Variants in BCAR3 observed in about 807,000 individuals in gnomAD.
BCAR3 encodes breast cancer anti-estrogen resistance protein 3.
Under a neutral mutation model 80.1 loss-of-function variants are expected in BCAR3, and 37 were observed. The ratio of observed to expected loss-of-function variants is 0.46; its 90% confidence interval spans 0.36 to 0.61. The LOEUF is 0.61. Ranked by LOEUF, BCAR3 falls within the 20% of genes least tolerant of loss-of-function variation. The pLI, the probability that BCAR3 is intolerant of heterozygous loss-of-function variation, is 0.00. For synonymous variants in BCAR3, 389 were observed against 418.9 expected (o/e 0.93, Z 0.87); for missense variants, 978 against 1,068.2 (o/e 0.92, Z 1.18).
chr1:93,810,410 G>T (rs569604150), intron 2 of BCAR3, among the ~76,000 whole-genome samples: 2 of 152,076 alleles, frequency 1.3e-5, no homozygotes, highest in African/African-American at 4.8e-5. Context: ...AATACTAAAC[G>T]TGGTTATGAC....
chr1:93,847,029 C>CG, intron 1 of BCAR3: 1 of 69,570 alleles, frequency 1.4e-5, no homozygotes, highest in Non-Finnish European at 2.8e-5. Context: ...GGCGGCCGGG[C>CG]GCGAGGGAAG....
At chr1:93,708,925 C>T (rs1306401703) in intron 2 of BCAR3, among the ~76,000 whole-genome samples, 2 of 152,184 alleles carry the variant, frequency 1.3e-5, no homozygotes, top group Non-Finnish European at 1.5e-5. Flanking sequence ...CAGATGATTT[C>T]TGTTGATGCT....
intron 2 of BCAR3, among the ~76,000 whole-genome samples, chr1:93,647,268 C>G (rs1162577836): frequency 6.6e-6 from 1 of 152,100 alleles, no homozygotes; most frequent in Non-Finnish European, 1.5e-5. Context: ...ATGCCCCTCC[C>G]ACAGAATCAT....
intron 3 of BCAR3, among the ~76,000 whole-genome samples, chr1:93,632,499 G>T (rs868068775): frequency 6.6e-6 from 1 of 152,178 alleles, no homozygotes; most frequent in Non-Finnish European, 1.5e-5. Context: ...ATAATATTCA[G>T]TAGGCTAAGC....
In BCAR3 at chr1:93,750,874, G is replaced by A. The variant is rs145587994; in HGVS notation, c.-62-44732C>T. ...CTTCCCAGATGATGCCCCAGATATC[G>A]TGGAGCAGTGATGAGTCCTCTTTGC... is the stretch of plus-strand genomic sequence containing the variant. On this transcript the variant is annotated intron_variant, in intron 2 of 13. Coordinates refer to the BCAR3 transcript ENST00000370244. Among the ~76,000 whole-genome samples the A allele has an allele frequency of 4.4e-3, 673 of 152,272 alleles. 6 individuals carry two copies. The highest frequency in any genetic ancestry group is 0.015 in the African/African-American group (639 of 41,546).
chr1:93,842,311 C>T (rs1654990696), intron 2 of BCAR3, among the ~76,000 whole-genome samples: 1 of 152,032 alleles, frequency 6.6e-6, no homozygotes, highest in African/African-American at 2.4e-5. Context: ...GCCACCACAC[C>T]TGGGTAATTT....
intron 3 of BCAR3, among the ~76,000 whole-genome samples, chr1:93,690,325 T>G (rs1346107478): frequency 6.6e-6 from 1 of 152,244 alleles, no homozygotes; most frequent in Non-Finnish European, 1.5e-5. Context: ...CACTAATTAC[T>G]TTTATTTTGT....
intron 1 of BCAR3, chr1:93,846,820 G>C: frequency 2.1e-6 from 1 of 472,862 alleles, no homozygotes; most frequent in South Asian, 1.5e-5. Context: ...CTCGGAGGAT[G>C]CTGCGGCGCG....
intron 3 of BCAR3, among the ~76,000 whole-genome samples, chr1:93,628,358 C>T (rs1219603297): frequency 6.6e-6 from 1 of 152,202 alleles, no homozygotes; most frequent in Non-Finnish European, 1.5e-5. Flanking sequence ...CTGCCCCTGT[C>T]CCCTGCAGTC....
intron 2 of BCAR3, among the ~76,000 whole-genome samples, chr1:93,665,792 C>CT (rs896212939): frequency 1.3e-5 from 2 of 152,166 alleles, no homozygotes; most frequent in Non-Finnish European, 2.9e-5. Flanking sequence ...CCATAACCCC[C>CT]TTCCCTAAGA....
rs1416583673 is a variant in BCAR3, at chr1:93,582,682, C to T, written c.1305G>A (p.Ala435=). The T allele has an allele frequency of 4.3e-6, 7 of 1,614,044 alleles. No homozygotes were observed. Among genetic ancestry groups the T allele is most frequent in the African/African-American group, 1.3e-5 (1 of 75,010 alleles). Residue 435 remains alanine (A), a synonymous_variant, in exon 7 of 12, where the codon GCG becomes GCA. Coordinates refer to ENST00000260502, the MANE Select transcript of BCAR3 (RefSeq NM_003567.4). ...SEANYCELNP[A]FATGCGRGAK... ...CTCCCCTGCCGCAGCCTGTGGCAAA[C>T]GCTGGGTTCAGTTCACAGTAGTTGG...
chr1:93,732,696 C>T (rs1650831471), intron 2 of BCAR3, among the ~76,000 whole-genome samples: 1 of 152,190 alleles, frequency 6.6e-6, no homozygotes, highest in Admixed American at 6.5e-5. Flanking sequence ...ACGACTTCAG[C>T]AGTTGCCTTG....
At chr1:93,687,997 T>C (rs1054937139) in intron 3 of BCAR3, among the ~76,000 whole-genome samples, 3 of 152,210 alleles carry the variant, frequency 2.0e-5, no homozygotes, top group African/African-American at 7.2e-5. Context: ...TAACTACTGA[T>C]ACAAAGAGCT....
At position 93,621,634 on chromosome 1, in the gene BCAR3, T is replaced by C. The variant is rs111236668; in HGVS notation, c.357+20670A>G. ...AGGCAAGTAGTATTGCAGTTTCTTA[T>C]GGCCGCTGGAGCAGCTTTAACCAGC... On this transcript the variant is annotated intron_variant, in intron 3 of 11. Transcript: ENST00000260502. Among the ~76,000 whole-genome samples the C allele has an allele frequency of 8.9e-4, 136 of 152,196 alleles. 5 individuals are homozygous for C. The highest frequency in any genetic ancestry group is 2.8e-4 in the Non-Finnish European group (19 of 68,030).
At chr1:93,628,779 C>T (rs1022112911) in intron 3 of BCAR3, among the ~76,000 whole-genome samples, 1 of 152,204 alleles carries the variant, frequency 6.6e-6, no homozygotes, top group Non-Finnish European at 1.5e-5. Context: ...TTCCAGTCCT[C>T]CACCCCCAGA....
chr1:93,631,039 C>T (rs1050500541), intron 3 of BCAR3, among the ~76,000 whole-genome samples: 5 of 152,244 alleles, frequency 3.3e-5, no homozygotes, highest in African/African-American at 1.2e-4. Context: ...TATTGTCTCA[C>T]AGCTCTGGAG....
At chr1:93,682,133 C>T (rs1422084011), upstream of BCAR3, among the ~76,000 whole-genome samples, 3 of 152,234 alleles carry the variant, frequency 2.0e-5, no homozygotes, top group African/African-American at 7.2e-5. Context: ...ATCTGCTTTG[C>T]TCGTCTGCAG....
chr1:93,729,824 C>G (rs936124328), intron 2 of BCAR3, among the ~76,000 whole-genome samples: 1 of 152,230 alleles, frequency 6.6e-6, no homozygotes, highest in African/African-American at 2.4e-5. Context: ...AGATGGAGAA[C>G]TGGGGCCACA....
intron 2 of BCAR3, among the ~76,000 whole-genome samples, chr1:93,657,056 C>A (rs1037617316): frequency 1.3e-5 from 2 of 152,144 alleles, no homozygotes; most frequent in Non-Finnish European, 2.9e-5. Flanking sequence ...TGCATTGTTT[C>A]GTTACTAGTG....
Sources: allele counts gnomAD v4.1 joint callset (sites outside exome capture counted in the v4.1 genomes callset), GRCh38; gene constraint gnomAD v4.1.1; transcripts MANE v1.5; gene names NCBI Gene and HGNC (gene_info 2026-07-23, HGNC 2026-07-21).